HDAC9: variants seen among roughly 807,000 people sequenced by gnomAD.
HDAC9 encodes histone deacetylase 9.
In HDAC9, 41 loss-of-function variants were observed where a neutral mutation model predicts 139.4. The ratio of observed to expected loss-of-function variants is 0.29; its 90% CI spans 0.23 to 0.38. The LOEUF is 0.38. HDAC9 is among the 10% of genes least tolerant of loss of function. The pLI is 1.00. For synonymous variants in HDAC9, 517 were observed against 476.2 expected, an observed-to-expected ratio of 1.09 and a Z score of -1.12; for missense variants, 1,147 against 1,297.0, an observed-to-expected ratio of 0.88 and a Z score of 1.78.
chr7:18,320,115 G>A (rs1799925633), intron 1 of HDAC9, among the ~76,000 whole-genome samples: 2 of 152,206 alleles, frequency 1.3e-5, no homozygotes, highest in South Asian at 4.1e-4. Flanking sequence ...CAAATCCGTG[G>A]ATGAAATGTC....
At chr7:18,948,949 C>G (rs1312014570) in intron 23 of HDAC9, 2 of 367,962 alleles carry the variant, frequency 5.4e-6, no homozygotes, top group African/African-American at 4.4e-5. Context: ...CTTGGTCAGT[C>G]ATTAGGAAGC....
At chr7:18,199,939 A>G (rs1790999363) in intron 2 of HDAC9, among the ~76,000 whole-genome samples, 1 of 152,046 alleles carries the variant, frequency 6.6e-6, no homozygotes, top group Non-Finnish European at 1.5e-5. Flanking sequence ...CTGAAACAAA[A>G]AACAGAGAGA....
Position 18,295,378 on chromosome 7 carries a change from TATC to T in HDAC9, c.-42+4866_-42+4868del, listed in dbSNP as rs554076659. Among the ~76,000 whole-genome samples the T allele has an allele frequency of 8.5e-4, 129 of 152,268 alleles. 1 individual carries two copies. The highest frequency in any genetic ancestry group is 1.7e-3 in the Non-Finnish European group (114 of 68,004). ...TAATCAAAAAATACCATGGAATTGG[TATC>T]ATGGAGCTCATTGACATAAAGTAAA... On this transcript the variant is annotated intron_variant, in intron 1 of 3. Transcript: ENST00000413509.
chr7:18,535,667 C>T (rs940430068), intron 2 of HDAC9, among the ~76,000 whole-genome samples: 4 of 116,420 alleles, frequency 3.4e-5, no homozygotes, highest in African/African-American at 6.6e-5. Flanking sequence ...TTTGAAACAA[C>T]GTTTGCATTG....
At chr7:18,106,654 A>C (rs1783226541) in intron 1 of HDAC9, among the ~76,000 whole-genome samples, 1 of 152,148 alleles carries the variant, frequency 6.6e-6, no homozygotes, top group South Asian at 2.1e-4. Context: ...GGGTTTCACC[A>C]TGTTAGCCAG....
intron 1 of HDAC9, among the ~76,000 whole-genome samples, chr7:18,120,346 G>A (rs1389238973): frequency 1.3e-5 from 2 of 152,204 alleles, no homozygotes; most frequent in Non-Finnish European, 2.9e-5. Context: ...AAATATGCAT[G>A]CTGATCATAG....
chr7:18,171,394 G>C, intron 2 of HDAC9, among the ~76,000 whole-genome samples: 1 of 152,182 alleles, frequency 6.6e-6, no homozygotes, highest in Non-Finnish European at 1.5e-5. Context: ...TCTGCAAACA[G>C]GGACAATTTG....
At chr7:18,807,772 T>C in intron 17 of HDAC9, among the ~76,000 whole-genome samples, 1 of 152,200 alleles carries the variant, frequency 6.6e-6, no homozygotes, top group East Asian at 1.9e-4. Flanking sequence ...TTCATACTCT[T>C]GTGGTCAGAA....
chr7:18,502,829 G>A lies in HDAC9; in HGVS notation c.22+6505G>A, dbSNP rs1199763134. Among the ~76,000 whole-genome samples the A allele has an allele frequency of 3.9e-5, 6 of 152,248 alleles. No individual in the cohort carries two copies. In the East Asian group the frequency reaches 1.2e-3, roughly 29 times the overall value. On this transcript the variant is annotated intron_variant, in intron 2 of 25. Transcript: ENST00000686413. ...AGGAGAGTCAACATTGTGGCCTCAT[G>A]CCTTACAAGCATTTATTATAAACGT...
At chr7:18,418,664 T>C (rs1318878828) in intron 1 of HDAC9, among the ~76,000 whole-genome samples, 3 of 152,158 alleles carry the variant, frequency 2.0e-5, no homozygotes, top group East Asian at 1.9e-4. Context: ...TACTTTGTCA[T>C]TCTTATTAGT....
At chr7:18,337,527 G>C (rs1284270429) in intron 1 of HDAC9, among the ~76,000 whole-genome samples, 1 of 151,556 alleles carries the variant, frequency 6.6e-6, no homozygotes, top group Non-Finnish European at 1.5e-5. Flanking sequence ...TTTTACATTT[G>C]GATTCTAATG....
intron 11 of HDAC9, among the ~76,000 whole-genome samples, chr7:18,650,777 C>A (rs947455312): frequency 2.6e-5 from 4 of 152,106 alleles, no homozygotes; most frequent in Non-Finnish European, 5.9e-5. Flanking sequence ...TAAATCTTGT[C>A]TTAATTAGGC....
intron 12 of HDAC9, among the ~76,000 whole-genome samples, chr7:18,682,561 C>T (rs551305342): frequency 6.6e-6 from 1 of 152,100 alleles, no homozygotes; most frequent in South Asian, 2.1e-4. Flanking sequence ...GGGAAACACC[C>T]ATGTTCTCTA....
chr7:18,733,207 A>C (rs1220174260), intron 13 of HDAC9, among the ~76,000 whole-genome samples: 1 of 148,454 alleles, frequency 6.7e-6, no homozygotes, highest in African/African-American at 2.5e-5. Flanking sequence ...ACGTGTATAC[A>C]TGTGTCTATA....
intron 6 of HDAC9, among the ~76,000 whole-genome samples, chr7:18,605,730 G>T (rs1159734233): frequency 6.6e-6 from 1 of 152,026 alleles, no homozygotes; most frequent in Non-Finnish European, 1.5e-5. Context: ...GCCCAGGCTG[G>T]AATGCAGTGG....
chr7:18,910,561 C>A (rs1079954), intron 22 of HDAC9, among the ~76,000 whole-genome samples: 85,430 of 151,632 alleles, frequency 0.56, 24,449 homozygotes, highest in East Asian at 0.77. Flanking sequence ...TGCTCTGACT[C>A]GGACTTCTAG....
intron 1 of HDAC9, among the ~76,000 whole-genome samples, chr7:18,102,532 C>G (rs1782917465): frequency 6.6e-6 from 1 of 152,116 alleles, no homozygotes; most frequent in Non-Finnish European, 1.5e-5. Flanking sequence ...TATTCTCTTG[C>G]AAAATTGAAC....
intron 1 of HDAC9, among the ~76,000 whole-genome samples, chr7:18,305,714 G>A (rs1003823797): frequency 1.3e-5 from 2 of 151,782 alleles, no homozygotes; most frequent in African/African-American, 4.9e-5. Flanking sequence ...CTCTGGGCAG[G>A]GGTCTAATAG....
intron 1 of HDAC9, among the ~76,000 whole-genome samples, chr7:18,367,771 A>G (rs1001611696): frequency 6.6e-6 from 1 of 152,096 alleles, no homozygotes; most frequent in Admixed American, 6.6e-5. Flanking sequence ...ATTTTGGAAG[A>G]TGTTTGAAAC....
Sources: gnomAD v4.1 joint callset for allele counts (sites outside exome capture counted in the v4.1 genomes callset) on GRCh38, gnomAD v4.1.1 for gene constraint, MANE v1.5 for transcripts, NCBI Gene and HGNC (gene_info 2026-07-23, HGNC 2026-07-21) for gene names.